Variants in ELAVL4 observed in about 807,000 individuals in gnomAD.
The protein encoded by ELAVL4 is ELAV-like protein 4.
ELAVL4 carries 1 observed loss-of-function variant against 35.6 expected under a neutral mutation model. The observed-to-expected ratio is 0.03, with a 90% confidence interval of 0.01 to 0.13. The LOEUF is 0.13. Among genes scored for constraint, ELAVL4 ranks in the 10% least tolerant of loss-of-function variants. The probability of loss-of-function intolerance (pLI) is 1.00; values close to 1 mark genes in which losing one functional copy is unlikely to be tolerated. For synonymous variants in ELAVL4, 156 were observed against 171.0 expected (o/e 0.91, Z 0.69); for missense variants, 267 against 464.9 (o/e 0.57, Z 3.91).
rs972047088 is a variant in ELAVL4 at position 50,125,918 on chromosome 1, G to A, written c.9+16720G>A. On this transcript the variant is annotated intron_variant, in intron 1 of 6. Transcript: ENST00000371824. Reference sequence around the variant, plus strand: ...GGGGTCTTGGTAAAGTCATTAGCCTGTCTGAGCCTCAGTTTCCTTATCTGT... The same window carrying A: ...GGGGTCTTGGTAAAGTCATTAGCCTATCTGAGCCTCAGTTTCCTTATCTGT... Among the ~76,000 whole-genome samples, 7 of 152,082 alleles carry A rather than the reference G, an allele frequency of 4.6e-5. No individual in the cohort carries two copies. The East Asian group carries it at 9.7e-4, about 21-fold the overall frequency.
upstream of ELAVL4, among the ~76,000 whole-genome samples, chr1:50,107,810 C>T (rs1351991450): frequency 6.6e-6 from 1 of 152,202 alleles, no homozygotes; most frequent in East Asian, 1.9e-4. Context: ...TTAAAAAACC[C>T]AAACCAGAAC....
chr1:50,076,686 G>A (rs1312932896), intron 1 of ELAVL4, among the ~76,000 whole-genome samples: 1 of 152,100 alleles, frequency 6.6e-6, no homozygotes, highest in Non-Finnish European at 1.5e-5. Context: ...TGAGTCTGGA[G>A]CCTTTAGTCC....
intron 1 of ELAVL4, among the ~76,000 whole-genome samples, chr1:50,126,646 A>T (rs1429190009): frequency 6.6e-6 from 1 of 152,132 alleles, no homozygotes; most frequent in African/African-American, 2.4e-5. Context: ...AAAGATTAAA[A>T]TTAAACTTTT....
intron 1 of ELAVL4, among the ~76,000 whole-genome samples, chr1:50,081,443 G>A (rs997791389): frequency 9.2e-5 from 14 of 152,294 alleles, no homozygotes; most frequent in African/African-American, 3.4e-4. Context: ...ATTTCCCCTA[G>A]GCTCATGCCA....
chr1:50,106,694 T>A (rs1666344357), upstream of ELAVL4, among the ~76,000 whole-genome samples: 1 of 152,184 alleles, frequency 6.6e-6, no homozygotes, highest in Admixed American at 6.5e-5. Context: ...TCTGCCTTTG[T>A]CTTTAGAGAA....
chr1:50,130,086 A>C (rs1670610432), intron 1 of ELAVL4, among the ~76,000 whole-genome samples: 1 of 152,154 alleles, frequency 6.6e-6, no homozygotes, highest in Admixed American at 6.5e-5. Flanking sequence ...TGCTTTTTCC[A>C]TTATACCATG....
At chr1:50,193,338 A>G (rs1682953611) in intron 3 of ELAVL4, among the ~76,000 whole-genome samples, 1 of 150,170 alleles carries the variant, frequency 6.7e-6, no homozygotes, top group Non-Finnish European at 1.5e-5. Flanking sequence ...TGGCAAGGAG[A>G]GAAATGTGCA....
intron 1 of ELAVL4, chr1:50,141,891 A>G (rs1257613655): frequency 6.6e-6 from 1 of 152,152 alleles, no homozygotes; most frequent in Admixed American, 6.5e-5. Flanking sequence ...CATCTTTCTT[A>G]GTCTGCTTTA....
At chr1:50,089,764 CAAACAAA>C (rs1161543281) in intron 1 of ELAVL4, among the ~76,000 whole-genome samples, 3 of 152,066 alleles carry the variant, frequency 2.0e-5, no homozygotes, top group African/African-American at 7.2e-5. Context: ...CTAAAACAAA[CAAACAAA>C]AAACAAAAAA....
chr1:50,125,851 G>T (rs998093427), intron 1 of ELAVL4, among the ~76,000 whole-genome samples: 1 of 152,068 alleles, frequency 6.6e-6, no homozygotes, highest in Non-Finnish European at 1.5e-5. Context: ...CATCTTAGGA[G>T]TCTGCAAAAT....
chr1:50,152,638 AGTG>A (rs989832477), intron 2 of ELAVL4, among the ~76,000 whole-genome samples: 14 of 152,204 alleles, frequency 9.2e-5, no homozygotes, highest in African/African-American at 3.4e-4. Flanking sequence ...GAGGTGTAGT[AGTG>A]GTGATTTCTT....
chr1:50,156,802 A>G (rs984871265), intron 2 of ELAVL4, among the ~76,000 whole-genome samples: 1 of 152,186 alleles, frequency 6.6e-6, no homozygotes, highest in African/African-American at 2.4e-5. Context: ...AGACCTTCAC[A>G]AGAGAGGGTT....
chr1:50,102,485 C>A (rs1310732018), upstream of ELAVL4, among the ~76,000 whole-genome samples: 3 of 151,398 alleles, frequency 2.0e-5, no homozygotes, highest in Non-Finnish European at 4.4e-5. Context: ...CTTCTTTTTC[C>A]ATGGATGTAC....
chr1:50,049,934 G>T (rs1164601517), intron 1 of ELAVL4, among the ~76,000 whole-genome samples: 2 of 152,222 alleles, frequency 1.3e-5, no homozygotes, highest in African/African-American at 4.8e-5. Context: ...AGGTGGAGTT[G>T]TGAGTTAGAG....
intron 2 of ELAVL4, among the ~76,000 whole-genome samples, chr1:50,162,719 G>T (rs1297305397): frequency 1.3e-5 from 2 of 152,082 alleles, no homozygotes; most frequent in Non-Finnish European, 2.9e-5. Context: ...AAGTAGCTGG[G>T]ACCACAGGCA....
chr1:50,167,220 C>T (rs913530453), intron 2 of ELAVL4, among the ~76,000 whole-genome samples: 9 of 152,216 alleles, frequency 5.9e-5, no homozygotes, highest in African/African-American at 2.2e-4. Context: ...TTCCATCATT[C>T]TATCAATCCA....
chr1:50,127,503 A>T (rs1410125545), intron 1 of ELAVL4, among the ~76,000 whole-genome samples: 1 of 152,134 alleles, frequency 6.6e-6, no homozygotes, highest in African/African-American at 2.4e-5. Flanking sequence ...TGGAAGGGAC[A>T]TACTGCCAAA....
chr1:50,057,755 A>G (rs1026120793), intron 1 of ELAVL4, among the ~76,000 whole-genome samples: 1 of 152,200 alleles, frequency 6.6e-6, no homozygotes, highest in Non-Finnish European at 1.5e-5. Context: ...TGATGTTTGC[A>G]TGATGACAAA....
chr1:50,059,574 A>T (rs1287606359), intron 1 of ELAVL4, among the ~76,000 whole-genome samples: 1 of 152,046 alleles, frequency 6.6e-6, no homozygotes, highest in Non-Finnish European at 1.5e-5. Context: ...ACCGTTGGAG[A>T]AAATGGAACC....
Sources: allele counts gnomAD v4.1 joint callset (sites outside exome capture counted in the v4.1 genomes callset), GRCh38; gene constraint gnomAD v4.1.1; transcripts MANE v1.5; gene names NCBI Gene and HGNC (gene_info 2026-07-23, HGNC 2026-07-21).